The following DGKH variants were observed in gnomAD, a reference collection of about 807,000 sequenced individuals.
The protein encoded by DGKH is DAG kinase eta.
DGKH carries 90 observed loss-of-function variants against 159.3 expected under a neutral mutation model. The observed-to-expected ratio is 0.57, with a 90% CI of 0.48 to 0.67. The LOEUF is 0.67. Among genes scored for constraint, DGKH ranks in the 30% least tolerant of loss-of-function variants. The pLI is 0.00. For missense variants in DGKH, 1,181 were observed against 1,506.1 expected, an observed-to-expected ratio of 0.78 and a Z score of 3.57; for synonymous variants, 536 against 553.8, an observed-to-expected ratio of 0.97 and a Z score of 0.45.
At chr13:42,197,046 G>A (rs2138141590) in intron 17 of DGKH, among the ~76,000 whole-genome samples, 1 of 152,204 alleles carries the variant, frequency 6.6e-6, no homozygotes, top group East Asian at 1.9e-4. Context: ...CTGAGGTCAG[G>A]AGTTTGAGAC....
chr13:42,132,744 C>T (rs1419984178), intron 3 of DGKH, among the ~76,000 whole-genome samples: 1 of 151,930 alleles, frequency 6.6e-6, no homozygotes, highest in African/African-American at 2.4e-5. Flanking sequence ...ACAACAAATA[C>T]AAAAATTAGC....
intron 6 of DGKH, among the ~76,000 whole-genome samples, chr13:42,159,619 A>C (rs147606475): frequency 6.6e-6 from 1 of 152,172 alleles, no homozygotes; most frequent in Non-Finnish European, 1.5e-5. Flanking sequence ...TCGACCTCTG[A>C]TGAACTCTGA....
chr13:42,207,925 G>A (rs1360595746), intron 21 of DGKH, among the ~76,000 whole-genome samples: 2 of 151,952 alleles, frequency 1.3e-5, no homozygotes, highest in Admixed American at 1.3e-4. Flanking sequence ...GAGTATAAAA[G>A]CATCTTTTGT....
chr13:42,143,104 T>C (rs1955614860), intron 3 of DGKH, among the ~76,000 whole-genome samples: 1 of 130,950 alleles, frequency 7.6e-6, no homozygotes, highest in Non-Finnish European at 1.8e-5. Flanking sequence ...GTTTTTAGCA[T>C]GAAGGGTTGT....
Position 42,214,531 on chromosome 13 carries a change from C to T in DGKH, c.3039C>T (p.His1013=). ...ITRICDAATI[H]CLLEQELAHA... Reference sequence around the variant, plus strand: ...GGATATGTGACGCAGCCACAATTCACTGTCTTTTGGAGCAAGAACTGGCCC... The same window carrying T: ...GGATATGTGACGCAGCCACAATTCATTGTCTTTTGGAGCAAGAACTGGCCC... The change falls in exon 25 of 30, where the codon CAC becomes CAT. Residue 1013 remains histidine (H), a synonymous_variant. Transcript: ENST00000337343. 6.2e-7 allele frequency: 1 copy of T among 1,613,300 alleles called. No homozygotes were observed. The highest frequency in any genetic ancestry group is 1.7e-5 in the Admixed American group (1 of 59,930).
chr13:42,250,406 G>A (rs1288687422), intron 29 of DGKH, among the ~76,000 whole-genome samples: 2 of 151,990 alleles, frequency 1.3e-5, no homozygotes, highest in Admixed American at 1.3e-4. Context: ...CCATCACCTC[G>A]AACCTTTATC....
At chr13:42,224,698 T>C (rs1958074487) in intron 29 of DGKH, among the ~76,000 whole-genome samples, 1 of 152,108 alleles carries the variant, frequency 6.6e-6, no homozygotes, top group Non-Finnish European at 1.5e-5. Context: ...TGGGCTATGC[T>C]CCATTCATCC....
At chr13:42,182,448 A>G (rs919795695) in intron 13 of DGKH, among the ~76,000 whole-genome samples, 2 of 148,758 alleles carry the variant, frequency 1.3e-5, no homozygotes, top group African/African-American at 5.2e-5. Context: ...CTTGGATACC[A>G]ATATTCATAG....
chr13:42,248,960 T>C (rs756249621), intron 29 of DGKH, among the ~76,000 whole-genome samples: 19 of 152,214 alleles, frequency 1.2e-4, no homozygotes, highest in Admixed American at 2.6e-4. Context: ...TGACTGTGCA[T>C]ACACACACAT....
intron 21 of DGKH, among the ~76,000 whole-genome samples, chr13:42,208,300 T>C (rs1957556465): frequency 6.6e-6 from 1 of 152,166 alleles, no homozygotes; most frequent in South Asian, 2.1e-4. Context: ...AGTAAGGTAA[T>C]ACAGCCTACA....
At chr13:42,182,908 T>TA (rs5803119) in intron 13 of DGKH, among the ~76,000 whole-genome samples, 12,097 of 147,962 alleles carry the variant, frequency 0.082, 1,366 homozygotes, top group African/African-American at 0.26. Flanking sequence ...ACAAGGTCTT[T>TA]AAAAAAAAAA....
chr13:42,192,565 C>T (rs12866119), intron 16 of DGKH, among the ~76,000 whole-genome samples: 5 of 143,766 alleles, frequency 3.5e-5, no homozygotes, highest in Admixed American at 7.4e-5. Context: ...CTCCCTTCCT[C>T]CTCCTCCTCC....
At chr13:42,096,291 T>A (rs187120811) in intron 1 of DGKH, among the ~76,000 whole-genome samples, 21 of 152,130 alleles carry the variant, frequency 1.4e-4, no homozygotes, top group Admixed American at 1.0e-3. Context: ...ATCTTTATGT[T>A]TATGAGTACC....
chr13:42,178,417 G>T (rs2138059657), intron 13 of DGKH, among the ~76,000 whole-genome samples, 197 bp downstream of exon 13: 1 of 152,094 alleles, frequency 6.6e-6, no homozygotes, highest in South Asian at 2.1e-4. Context: ...TACTTAGAGG[G>T]TATTTTTTTA....
intron 26 of DGKH, among the ~76,000 whole-genome samples, chr13:42,217,568 A>G (rs1033847335): frequency 6.6e-6 from 1 of 151,898 alleles, no homozygotes; most frequent in African/African-American, 2.4e-5. Flanking sequence ...TTTAATCACT[A>G]CTAGAAGTGG....
chr13:42,250,550 G>T (rs970358388), intron 29 of DGKH, among the ~76,000 whole-genome samples: 5 of 152,166 alleles, frequency 3.3e-5, no homozygotes, highest in Non-Finnish European at 7.3e-5. Context: ...TGTCAATAAT[G>T]TTGAAGAACC....
chr13:42,041,319 G>A (rs1424165371), intron 1 of DGKH, among the ~76,000 whole-genome samples: 1 of 152,154 alleles, frequency 6.6e-6, no homozygotes, highest in Non-Finnish European at 1.5e-5. Context: ...ACCGCGCCCT[G>A]GTCGTCACCT....
At chr13:42,197,627 T>G (rs1277094091) in intron 17 of DGKH, among the ~76,000 whole-genome samples, 1 of 152,098 alleles carries the variant, frequency 6.6e-6, no homozygotes, top group East Asian at 1.9e-4. Flanking sequence ...GGAGGATCGC[T>G]TGAACCCTGG....
At chr13:42,158,352 CT>C (rs1269973352) in intron 5 of DGKH, among the ~76,000 whole-genome samples, 1 of 152,192 alleles carries the variant, frequency 6.6e-6, no homozygotes, top group Non-Finnish European at 1.5e-5. Context: ...ATGCTCTCTA[CT>C]TTTAACTGTT....
Sources: gnomAD v4.1 joint callset for allele counts (sites outside exome capture counted in the v4.1 genomes callset) on GRCh38, gnomAD v4.1.1 for gene constraint, MANE v1.5 for transcripts, NCBI Gene and HGNC (gene_info 2026-07-23, HGNC 2026-07-21) for gene names.